Variants in PHF12 observed in about 807,000 individuals in gnomAD.
PHF12 encodes PHD factor 1.
Under a neutral mutation model 99.8 loss-of-function variants are expected in PHF12, and 6 were observed. That is an observed-to-expected ratio of 0.06 (90% confidence interval 0.03 to 0.12). The LOEUF is 0.12. Ranked by LOEUF, PHF12 falls within the 10% of genes least tolerant of loss-of-function variation. The pLI, the probability that PHF12 is intolerant of heterozygous loss-of-function variation, is 1.00. For synonymous variants in PHF12, 480 were observed against 514.9 expected (o/e 0.93, Z 0.92); for missense variants, 954 against 1,300.1 (o/e 0.73, Z 4.09).
chr17:28,941,426 TC>T (rs373135191), intron 2 of PHF12, among the ~76,000 whole-genome samples: 6 of 152,188 alleles, frequency 3.9e-5, no homozygotes, highest in African/African-American at 1.4e-4. Flanking sequence ...TATAAAACTG[TC>T]CAGTAAATAT....
At chr17:28,918,022 C>A (rs2040093538) in intron 6 of PHF12, among the ~76,000 whole-genome samples, 1 of 152,194 alleles carries the variant, frequency 6.6e-6, no homozygotes, top group Admixed American at 6.5e-5. Flanking sequence ...GAAGGGAAAA[C>A]CTTGGATTGC....
At chr17:28,912,367 T>C (rs923304598) in intron 9 of PHF12, 115 bp downstream of exon 9, 1 of 1,438,404 alleles carries the variant, frequency 7.0e-7, no homozygotes. Flanking sequence ...AGACAAACAA[T>C]ACAAAGGCCA....
intron 5 of PHF12, among the ~76,000 whole-genome samples, chr17:28,921,040 ATTTT>A (rs939175794): frequency 6.7e-6 from 1 of 149,510 alleles, no homozygotes; most frequent in Non-Finnish European, 1.5e-5. Flanking sequence ...TGCCCGGCTA[ATTTT>A]TTTTTGTTTG....
At chr17:28,936,863 CA>C (rs1181676097) in intron 2 of PHF12, among the ~76,000 whole-genome samples, 1 of 151,956 alleles carries the variant, frequency 6.6e-6, no homozygotes, top group Non-Finnish European at 1.5e-5. Flanking sequence ...CTGTGTAAGA[CA>C]AACTGCAAAA....
At chr17:28,944,450 A>T in intron 2 of PHF12, 1 of 940,520 alleles carries the variant, frequency 1.1e-6, no homozygotes, top group South Asian at 4.9e-5. Flanking sequence ...ATTAGCCCCT[A>T]AGCCCTACAT....
At chr17:28,943,743 T>C (rs1219246096) in intron 2 of PHF12, among the ~76,000 whole-genome samples, 3 of 152,014 alleles carry the variant, frequency 2.0e-5, no homozygotes, top group Non-Finnish European at 4.4e-5. Context: ...TACCCAAGTG[T>C]CTATCAACTA....
At position 28,924,182 on chromosome 17, in the gene PHF12, G is replaced by A. The variant is rs374859284; in HGVS notation, c.442C>T (p.Leu148=). The A allele has an allele frequency of 9.5e-5, 153 of 1,614,102 alleles. No individual in the cohort carries two copies. The highest frequency in any genetic ancestry group is 1.2e-4 in the Non-Finnish European group (137 of 1,180,040). ...LLDRSASKTE[L]KAIAHARILE... is the part of the protein sequence containing the mutation. ...ATCCGGGCATGGGCAATGGCCTTTAGTTCAGTTTTGCTGGCCGATCTGTCC... is the reference window on the plus strand; with the variant it reads ...ATCCGGGCATGGGCAATGGCCTTTAATTCAGTTTTGCTGGCCGATCTGTCC... Residue 148 remains leucine (L), a synonymous_variant, in exon 4 of 15, where the codon CTA becomes TTA. Coordinates refer to ENST00000332830, the MANE Select transcript of PHF12 (RefSeq NM_001033561.2).
At chr17:28,911,924 C>T (rs1028745202) in intron 9 of PHF12, among the ~76,000 whole-genome samples, 4 of 152,376 alleles carry the variant, frequency 2.6e-5, no homozygotes, top group South Asian at 2.1e-4. Flanking sequence ...CCTGAGGGCA[C>T]GCTTCTGGGC....
intron 11 of PHF12, 162 bp downstream of exon 11, chr17:28,910,064 T>A (rs769293941): frequency 9.5e-7 from 1 of 1,055,648 alleles, no homozygotes. Context: ...ATCTTGTTCC[T>A]GCTCTCTTCA....
At chr17:28,926,165 G>T (rs2152668360) in intron 3 of PHF12, 1 of 152,628 alleles carries the variant, frequency 6.6e-6, no homozygotes, top group South Asian at 2.0e-4. Flanking sequence ...TTTCTTAAAG[G>T]CTGAAACTGT....
At chr17:28,922,397 A>G (rs763274766) in intron 4 of PHF12, among the ~76,000 whole-genome samples, 5 of 152,122 alleles carry the variant, frequency 3.3e-5, no homozygotes, top group South Asian at 2.1e-4. Flanking sequence ...CCTGGCCCAC[A>G]TTTTCATAAA....
chr17:28,932,176 G>A (rs1179720518), intron 2 of PHF12, among the ~76,000 whole-genome samples: 1 of 151,906 alleles, frequency 6.6e-6, no homozygotes, highest in Admixed American at 6.6e-5. Context: ...CTGTCACCCA[G>A]GCTGGAGTGC....
In PHF12 at chr17:28,918,818, C is replaced by A. The variant is rs554719424; in HGVS notation, c.969+325G>T. 5.3e-5 allele frequency among the ~76,000 whole-genome samples: 8 copies of A among 152,306 alleles called. No individual in the cohort carries two copies. The East Asian group carries it at 1.5e-3, about 29-fold the overall frequency. On this transcript the variant is annotated intron_variant, in intron 6 of 14. Coordinates refer to ENST00000332830, the MANE Select transcript of PHF12 (RefSeq NM_001033561.2). The stretch of plus-strand genomic sequence containing the variant: ...CCTGGGACACATGTACCCCAGACAG[C>A]CAACGATTTATTTCCTTAAGGTTGG...
At position 28,950,222 on chromosome 17, in the gene PHF12, G is replaced by A; in HGVS notation, c.91C>T (p.Pro31Ser). The change falls in exon 2 of 15, where the codon CCC becomes TCC. Residue 31 changes from proline to serine, a missense_variant. Around this residue, in one of 8 missense-constraint regions of PHF12, gnomAD observed 66 missense variants for 69.4 expected, o/e 0.95. Transcript: ENST00000332830. This position sits in a 1 kb window ranked among gnomAD's most constrained non-coding sequence, Gnocchi z 5.7. The stretch of plus-strand genomic sequence containing the variant: ...CGCTTTTCTGCCTCGTCCGTCTTGG[G>A]GGGAGCCAGCAGAGCTTGGATTTGC... ...MEQIQALLAP[P>S]KTDEAEKRSR... The A allele has an allele frequency of 1.9e-6, 3 of 1,611,226 alleles. No individual in the cohort carries two copies. Among genetic ancestry groups the A allele is most frequent in the Non-Finnish European group, 2.5e-6 (3 of 1,179,934 alleles).
intron 6 of PHF12, 77 bp from the exon 7 acceptor site, chr17:28,917,526 T>C (rs917959715): frequency 1.9e-5 from 28 of 1,483,550 alleles, no homozygotes; most frequent in Admixed American, 4.6e-5. Flanking sequence ...ATTCCCTGTG[T>C]TTAAAAACTA....
chr17:28,926,722 CAAG>C (rs2040280693), intron 3 of PHF12: 3 of 1,326,266 alleles, frequency 2.3e-6, no homozygotes, highest in Non-Finnish European at 3.0e-6. Flanking sequence ...AGGAGGACAA[CAAG>C]AAGGTAAGAC....
At chr17:28,934,245 C>T (rs1222240711) in intron 2 of PHF12, among the ~76,000 whole-genome samples, 1 of 152,188 alleles carries the variant, frequency 6.6e-6, no homozygotes, top group African/African-American at 2.4e-5. Context: ...CAAACTGATT[C>T]TTACCATAAA....
rs2040782208 is a variant in PHF12, at chr17:28,950,095, T to C, written c.218A>G (p.His73Arg). 1 of 1,612,306 alleles carries C rather than the reference T, an allele frequency of 6.2e-7. No homozygotes were observed. ...CTGGAGGTGGAAGGCAGCCGGGCAGTGGTCGCAGCACAGGAGATCTCCACC... is the reference window on the plus strand; with the variant it reads ...CTGGAGGTGGAAGGCAGCCGGGCAGCGGTCGCAGCACAGGAGATCTCCACC... ...KEGGDLLCCD[H>R]CPAAFHLQCC... The change falls in exon 2 of 15, where the codon CAC becomes CGC. Residue 73 changes from histidine (H) to arginine (R), a missense_variant. His to Arg is a conservative substitution (Grantham distance 29). Transcript: ENST00000332830. This position sits in a 1 kb window ranked among gnomAD's most constrained non-coding sequence, Gnocchi z 5.7.
chr17:28,906,574 G>A lies in PHF12; in HGVS notation c.2681-57C>T. 3.3e-6 allele frequency: 5 copies of A among 1,522,464 alleles called. No individual in the cohort carries two copies. Among genetic ancestry groups the A allele is most frequent in the South Asian group, 1.3e-5 (1 of 78,400 alleles). 94.3% of individuals were successfully genotyped at this position (1,522,464 alleles called of 1,614,324 possible). A position where few individuals can be genotyped will look rare whatever the true frequency, so the allele number is the denominator to read the frequency against. ...AACAGTGAGCAGCCAACCCATGTGG[G>A]CTGTTTGCCAAGGTTGGGCTCCTGC... On this transcript the variant is annotated intron_variant, in intron 14 of 14. Transcript: ENST00000332830. This position sits in a 1 kb window ranked among gnomAD's most constrained non-coding sequence, Gnocchi z 4.2.
Sources: allele counts gnomAD v4.1 joint callset (sites outside exome capture counted in the v4.1 genomes callset), GRCh38; gene constraint gnomAD v4.1.1; regional missense constraint gnomAD v4.1.1; non-coding constraint Gnocchi (gnomAD v3.1); transcripts MANE v1.5; gene names NCBI Gene and HGNC (gene_info 2026-07-23, HGNC 2026-07-21).